CPZ: variants seen among roughly 807,000 people sequenced by gnomAD.
CPZ encodes the protein VEZT/CPZ fusion.
CPZ carries 103 observed loss-of-function variants against 61.8 expected under a neutral mutation model. The observed-to-expected ratio is 1.67, with a 90% CI of 1.42 to 1.96. The LOEUF (loss-of-function observed/expected upper bound fraction) is 1.96. Among genes scored for constraint, CPZ ranks in the 30% most tolerant of loss-of-function variants. The probability of loss-of-function intolerance (pLI) is 0.00; values close to 1 mark genes in which losing one functional copy is unlikely to be tolerated. For missense variants in CPZ, 1,461 were observed against 914.9 expected, an observed-to-expected ratio of 1.60 and a Z score of -7.70; for synonymous variants, 551 against 373.7, an observed-to-expected ratio of 1.47 and a Z score of -5.47.
At chr4:8,599,605 C>T in intron 2 of CPZ, 120 bp downstream of exon 2, 1 of 1,517,322 alleles carries the variant, frequency 6.6e-7, no homozygotes, top group Non-Finnish European at 8.9e-7. Flanking sequence ...TAACACAGCC[C>T]ATTAATCAAA....
At position 8,609,217 on chromosome 4, in the gene CPZ, C is replaced by A. The variant is rs62288588; in HGVS notation, c.1227+1792C>A. ...TCACTCCCTCACTCACTTACTCATT[C>A]ACTTACTCACTCATTGTCACTCATT... is the stretch of plus-strand genomic sequence containing the variant. On this transcript the variant is annotated intron_variant, in intron 7 of 10. Transcript: ENST00000360986. 3.6e-4 allele frequency among the ~76,000 whole-genome samples: 50 copies of A among 138,268 alleles called. 1 individual carries two copies. Among genetic ancestry groups the A allele is most frequent in the African/African-American group, 1.3e-3 (49 of 38,566 alleles). 90.7% of individuals were successfully genotyped at this position (138,268 alleles called of 152,430 possible).
intron 2 of CPZ, chr4:8,599,729 A>T (rs1467145400): frequency 2.1e-6 from 2 of 963,382 alleles, no homozygotes; most frequent in Non-Finnish European, 2.9e-6. Context: ...CCCTGCAGAG[A>T]TGTCCTCTCC....
At chr4:8,597,475 G>A (rs3796737) in intron 1 of CPZ, 6,666 of 152,314 alleles carry the variant, frequency 0.044, 287 homozygotes, top group East Asian at 0.24. Flanking sequence ...ACGTGAGGGT[G>A]CCAGGGAGGG....
Position 8,607,442 on chromosome 4 carries a change from G to A in CPZ, c.1227+17G>A, listed in dbSNP as rs1476990489. On this transcript the variant is annotated intron_variant, in intron 7 of 10. Transcript: ENST00000360986. ...GACGAGAAGGTGAGAGGGCTGTCGG[G>A]TGTGTGCAGGGGAGGGAGACAGTGT... is the stretch of plus-strand genomic sequence containing the variant. The A allele has an allele frequency of 3.7e-6, 6 of 1,612,782 alleles. No individual in the cohort carries two copies. Among genetic ancestry groups the A allele is most frequent in the Non-Finnish European group, 5.1e-6 (6 of 1,179,558 alleles).
Position 8,601,119 on chromosome 4 carries a change from C to G in CPZ, c.122-4C>G, listed in dbSNP as rs1714543854. On this transcript the variant is annotated splice_polypyrimidine_tract_variant and splice_region_variant and intron_variant, in intron 2 of 10. Coordinates refer to ENST00000360986, the MANE Select transcript of CPZ (RefSeq NM_001014447.3). ...GGACTGACCTGCCGACCCTGCCTCC[C>G]CAGCCACCTGCGTGGACCTGCAGCT... 8 of 1,562,448 alleles carry G rather than the reference C, an allele frequency of 5.1e-6. No homozygotes were observed. The highest frequency in any genetic ancestry group is 7.0e-6 in the Non-Finnish European group (8 of 1,148,332).
intron 7 of CPZ, among the ~76,000 whole-genome samples, chr4:8,610,994 TTTCACTCA>T (rs771311199): frequency 5.0e-4 from 73 of 147,046 alleles, no homozygotes; most frequent in Non-Finnish European, 7.5e-4. Context: ...TCACTCACTC[TTTCACTCA>T]TTCACTCACT....
At position 8,619,373 on chromosome 4, in the gene CPZ, A is replaced by C; in HGVS notation, c.1715A>C (p.Lys572Thr). 6.2e-7 allele frequency: 1 copy of C among 1,614,214 alleles called. No individual in the cohort carries two copies. Residue 572 changes from lysine (K) to threonine (T), a missense_variant, in exon 11 of 11, where the codon AAG becomes ACG. By Grantham distance (78) the Lys-to-Thr change is moderately conservative. Transcript: ENST00000360986. ...AAAGTCATCATCCCCGCCCGGATGAAGAGGGCTGGCCGTGTGGACTTCATT... is the reference window on the plus strand; with the variant it reads ...AAAGTCATCATCCCCGCCCGGATGACGAGGGCTGGCCGTGTGGACTTCATT... ...IKKVIIPARM[K>T]RAGRVDFILQ... is the part of the protein sequence containing the mutation.
intron 10 of CPZ, 92 bp downstream of exon 10, chr4:8,618,620 C>A: frequency 8.2e-7 from 1 of 1,220,698 alleles, no homozygotes; most frequent in Non-Finnish European, 1.2e-6. Flanking sequence ...TCACAGTGTG[C>A]CCAGCCCTCA....
chr4:8,603,706 A>C, intron 3 of CPZ: 1 of 538,886 alleles, frequency 1.9e-6, no homozygotes, highest in East Asian at 3.2e-5. Flanking sequence ...CCTGCTCCGT[A>C]TTTTAGGAGC....
intron 7 of CPZ, chr4:8,611,018 A>C (rs1162346775): frequency 2.8e-6 from 1 of 352,936 alleles, no homozygotes; most frequent in Non-Finnish European, 5.8e-6. Flanking sequence ...TCACTCATTC[A>C]CTCATTCCCT....
At chr4:8,609,056 C>CTCCCTCACCCAT (rs1715307302) in intron 7 of CPZ, among the ~76,000 whole-genome samples, 3 of 84,638 alleles carry the variant, frequency 3.5e-5, no homozygotes, top group South Asian at 4.2e-4. Flanking sequence ...CCCTCCCTCC[C>CTCCCTCACCCAT]TCACTCCCTC....
chr4:8,593,027 G>A (rs951562025), intron 1 of CPZ, 106 bp downstream of exon 1: 8 of 861,694 alleles, frequency 9.3e-6, no homozygotes, highest in Non-Finnish European at 3.5e-6. Flanking sequence ...AGTAGGTCAC[G>A]CGCCTATGGT....
intron 4 of CPZ, among the ~76,000 whole-genome samples, chr4:8,605,186 C>G (rs1435076624): frequency 1.3e-5 from 2 of 152,234 alleles, no homozygotes; most frequent in Admixed American, 1.3e-4. Context: ...GGGCCACACA[C>G]AGCTGGGGAG....
intron 9 of CPZ, among the ~76,000 whole-genome samples, chr4:8,615,020 G>A (rs1716045471): frequency 6.6e-6 from 1 of 152,128 alleles, no homozygotes; most frequent in South Asian, 2.1e-4. Context: ...CTGTGCTCCA[G>A]GAGGCGCAGA....
At chr4:8,612,795 G>C (rs1715824925) in intron 8 of CPZ, among the ~76,000 whole-genome samples, 1 of 152,230 alleles carries the variant, frequency 6.6e-6, no homozygotes, top group Admixed American at 6.5e-5. Context: ...CATCACAGAT[G>C]AGAGCGCTGG....
chr4:8,606,996 G>A (rs1196150314), intron 6 of CPZ, 98 bp downstream of exon 6: 2 of 1,379,476 alleles, frequency 1.4e-6, no homozygotes, highest in Admixed American at 2.3e-5. Context: ...GGGGACAGGA[G>A]AGCCTGGTGC....
rs149915281 is a variant in CPZ, at chr4:8,594,307, G to A, written c.88+1386G>A. On this transcript the variant is annotated intron_variant, in intron 1 of 10. Coordinates refer to ENST00000360986, the MANE Select transcript of CPZ (RefSeq NM_001014447.3). ...ACCTGCAGTGCAGGTCCCCCACCCCGGGCTGCCATGTCCCTGTCTCGCCAT... is the reference window on the plus strand; with the variant it reads ...ACCTGCAGTGCAGGTCCCCCACCCCAGGCTGCCATGTCCCTGTCTCGCCAT... 1.3e-4 allele frequency among the ~76,000 whole-genome samples: 20 copies of A among 152,278 alleles called. No individual in the cohort carries two copies. In the East Asian group the frequency reaches 3.5e-3, roughly 27 times the overall value.
intron 1 of CPZ, among the ~76,000 whole-genome samples, chr4:8,596,666 C>T (rs1042843303): frequency 2.7e-5 from 4 of 150,650 alleles, no homozygotes; most frequent in Non-Finnish European, 5.9e-5. Context: ...ATCCTTATCC[C>T]AATCTACACA....
rs1305412397 is a variant in CPZ at position 8,606,862 on chromosome 4, C to T, written c.1032C>T (p.Asp344=). The T allele has an allele frequency of 6.2e-7, 1 of 1,613,132 alleles. No individual in the cohort carries two copies. Among genetic ancestry groups the T allele is most frequent in the Admixed American group, 1.7e-5 (1 of 59,980 alleles). ...RLAETRGARS[D]HIPIPQHYWW... is the part of the protein sequence containing the mutation. ...CGGAGACCCGCGGCGCACGCAGCGA[C>T]CACATCCCCATCCCCCAGCACTACT... Residue 344 remains aspartate (D), a synonymous_variant, in exon 6 of 11, where the codon GAC becomes GAT. Coordinates refer to ENST00000360986, the MANE Select transcript of CPZ (RefSeq NM_001014447.3).
Sources: allele counts gnomAD v4.1 joint callset (sites outside exome capture counted in the v4.1 genomes callset), GRCh38; gene constraint gnomAD v4.1.1; transcripts MANE v1.5; gene names NCBI Gene and HGNC (gene_info 2026-07-23, HGNC 2026-07-21).